Variants in UXS1 observed in about 807,000 individuals in gnomAD.
UXS1 encodes the protein UDP-glucuronate decarboxylase 1, also known as UDP-glucuronic acid decarboxylase 1.
A neutral mutation model predicts 62.6 loss-of-function variants in UXS1; 33 were observed. That is an observed-to-expected ratio of 0.53 (90% confidence interval 0.40 to 0.70). The LOEUF (loss-of-function observed/expected upper bound fraction) is 0.70. Among genes scored for constraint, UXS1 ranks in the 30% least tolerant of loss-of-function variants. UXS1 has a pLI of 0.00. For synonymous variants in UXS1, 213 were observed against 206.8 expected (o/e 1.03, Z -0.26); for missense variants, 434 against 556.3 (o/e 0.78, Z 2.21).
At chr2:106,118,316 C>T (rs1159249882) in intron 9 of UXS1, among the ~76,000 whole-genome samples, 6 of 152,010 alleles carry the variant, frequency 3.9e-5, no homozygotes, top group Non-Finnish European at 8.8e-5. Context: ...CAAAACCATA[C>T]CTTCAGGGCC....
intron 9 of UXS1, among the ~76,000 whole-genome samples, chr2:106,121,944 G>A (rs1679556674): frequency 6.6e-6 from 1 of 152,200 alleles, no homozygotes. Flanking sequence ...GTCAGGAACA[G>A]GAGACCTGGC....
At chr2:106,187,982 T>C (rs890733790) in intron 1 of UXS1, among the ~76,000 whole-genome samples, 3 of 152,184 alleles carry the variant, frequency 2.0e-5, no homozygotes, top group Non-Finnish European at 2.9e-5. Context: ...TCTCAGGTGA[T>C]CCACCTGCCT....
At chr2:106,166,856 T>C (rs774808923) in intron 1 of UXS1, among the ~76,000 whole-genome samples, 1 of 152,218 alleles carries the variant, frequency 6.6e-6, no homozygotes, top group Non-Finnish European at 1.5e-5. Flanking sequence ...CAGTATGTTC[T>C]CAACCTTTGT....
chr2:106,114,935 G>A (rs1291597654), intron 9 of UXS1, among the ~76,000 whole-genome samples: 1 of 152,210 alleles, frequency 6.6e-6, no homozygotes, highest in Non-Finnish European at 1.5e-5. Flanking sequence ...CCTCTGGGAT[G>A]ATGGTGTCTT....
intron 10 of UXS1, among the ~76,000 whole-genome samples, chr2:106,107,547 C>A (rs941500545): frequency 6.6e-6 from 1 of 152,194 alleles, no homozygotes; most frequent in African/African-American, 2.4e-5. Context: ...CTGCCAGGGT[C>A]AGGATGTGAA....
At chr2:106,159,285 A>G (rs573427370) in intron 4 of UXS1, 6 of 152,376 alleles carry the variant, frequency 3.9e-5, no homozygotes, top group African/African-American at 1.4e-4. Context: ...CCAACGCATG[A>G]GGACCGCTCC....
rs11681546 is a variant in UXS1, at chr2:106,180,351, T to C, written c.94+13797A>G. Among the ~76,000 whole-genome samples the C allele has an allele frequency of 3.9e-5, 6 of 152,240 alleles. No individual in the cohort carries two copies. The South Asian group carries it at 1.0e-3, about 26-fold the overall frequency. On this transcript the variant is annotated intron_variant, in intron 1 of 14. Transcript: ENST00000283148. ...ATTAAAACTAAGCCCCAGAAAGATA[T>C]GTAAAATATCAATGACCCTTGCATG...
intron 1 of UXS1, among the ~76,000 whole-genome samples, chr2:106,188,543 G>A (rs966106033): frequency 1.3e-5 from 2 of 152,228 alleles, no homozygotes; most frequent in African/African-American, 2.4e-5. Context: ...TCTGACAGAG[G>A]AGCCCAGATC....
At chr2:106,181,339 C>T (rs1249381775) in intron 1 of UXS1, among the ~76,000 whole-genome samples, 4 of 152,212 alleles carry the variant, frequency 2.6e-5, no homozygotes, top group African/African-American at 9.6e-5. Context: ...GCACATGCTC[C>T]CTTCTCAGCA....
At chr2:106,125,451 C>A (rs1679853830) in intron 8 of UXS1, among the ~76,000 whole-genome samples, 169 bp downstream of exon 8, 1 of 152,176 alleles carries the variant, frequency 6.6e-6, no homozygotes, top group African/African-American at 2.4e-5. Context: ...GGCTGTCCCA[C>A]AAGGAAGAGG....
intron 6 of UXS1, among the ~76,000 whole-genome samples, chr2:106,134,623 G>A: frequency 8.2e-5 from 1 of 12,178 alleles, no homozygotes; most frequent in African/African-American, 3.0e-4. Flanking sequence ...ATCAATAAAT[G>A]TAATCCAGCA....
At chr2:106,166,106 A>G (rs377681518) in intron 1 of UXS1, 23 bp from the exon 2 acceptor site, 159 of 1,608,950 alleles carry the variant, frequency 9.9e-5, no homozygotes, top group Non-Finnish European at 1.3e-4. Context: ...GAAAAAAGGA[A>G]GTCAATGTTT....
chr2:106,102,276 G>A (rs1427556673), intron 11 of UXS1: 3 of 152,126 alleles, frequency 2.0e-5, no homozygotes, highest in Non-Finnish European at 4.4e-5. Context: ...GTGCACTCAT[G>A]ACATACATCT....
intron 2 of UXS1, among the ~76,000 whole-genome samples, 153 bp from the exon 3 acceptor site, chr2:106,164,952 G>C (rs964155691): frequency 6.6e-6 from 1 of 152,198 alleles, no homozygotes; most frequent in African/African-American, 2.4e-5. Context: ...TGCACCAGAG[G>C]AAAAGAAGAC....
At chr2:106,112,589 G>A in intron 10 of UXS1, 57 bp downstream of exon 10, 4 of 1,598,526 alleles carry the variant, frequency 2.5e-6, no homozygotes, top group Non-Finnish European at 3.4e-6. Flanking sequence ...CTCATCCTTT[G>A]TGAGCTGACT....
chr2:106,153,970 T>C lies in UXS1; in HGVS notation c.291+4088A>G, dbSNP rs950707093. Among the ~76,000 whole-genome samples the C allele has an allele frequency of 8.5e-5, 13 of 152,084 alleles. 1 individual carries two copies. Among genetic ancestry groups the C allele is most frequent in the Non-Finnish European group, 1.8e-4 (12 of 68,010 alleles). On this transcript the variant is annotated intron_variant, in intron 5 of 14. Transcript: ENST00000283148. Reference sequence around the variant, plus strand: ...TTCAACAAAGGGATTCAACAGTCAATTGGAACTAGGCTAAAGAATCAGCAA... The same window carrying C: ...TTCAACAAAGGGATTCAACAGTCAACTGGAACTAGGCTAAAGAATCAGCAA...
chr2:106,172,168 C>T (rs1256114630), intron 1 of UXS1, among the ~76,000 whole-genome samples: 1 of 152,202 alleles, frequency 6.6e-6, no homozygotes, highest in South Asian at 2.1e-4. Flanking sequence ...TGGGGAGGAC[C>T]CCCTGAGAGG....
chr2:106,103,228 C>T lies in UXS1; in HGVS notation c.923+1566G>A, dbSNP rs529438813. Among the ~76,000 whole-genome samples the T allele has an allele frequency of 4.6e-5, 7 of 152,352 alleles. No homozygotes were observed. The East Asian group carries it at 9.6e-4, about 21-fold the overall frequency. On this transcript the variant is annotated intron_variant, in intron 11 of 14. Transcript: ENST00000283148. ...CTAGCAAAAAGAAAAGTCTCTGAGG[C>T]TATTTTAAATGAATTTTGCACACAA...
At chr2:106,140,114 G>GA (rs1285772656) in intron 6 of UXS1, among the ~76,000 whole-genome samples, 3 of 152,214 alleles carry the variant, frequency 2.0e-5, no homozygotes, top group African/African-American at 7.2e-5. Context: ...AGAACAGCAA[G>GA]ATTTTCCCTT....
Sources: gnomAD v4.1 joint callset for allele counts (sites outside exome capture counted in the v4.1 genomes callset) on GRCh38, gnomAD v4.1.1 for gene constraint, MANE v1.5 for transcripts, NCBI Gene and HGNC (gene_info 2026-07-23, HGNC 2026-07-21) for gene names.